MED27: variants seen among roughly 807,000 people sequenced by gnomAD.
MED27 encodes the protein mediator complex subunit 27, also known as mediator of RNA polymerase II transcription subunit 27.
A neutral mutation model predicts 38.2 loss-of-function variants in MED27; 30 were observed. That is an observed-to-expected ratio of 0.79 (90% CI 0.59 to 1.07). The LOEUF (loss-of-function observed/expected upper bound fraction) is 1.07. Among genes scored for constraint, MED27 ranks in the 50% least tolerant of loss-of-function variants. The pLI is 0.00. For synonymous variants in MED27, 122 were observed against 153.5 expected, an observed-to-expected ratio of 0.79 and a Z score of 1.52; for missense variants, 289 against 397.5, an observed-to-expected ratio of 0.73 and a Z score of 2.32.
intron 3 of MED27, among the ~76,000 whole-genome samples, chr9:132,011,087 G>T (rs1832476840): frequency 6.6e-6 from 1 of 152,172 alleles, no homozygotes; most frequent in African/African-American, 2.4e-5. Flanking sequence ...GATGGATATT[G>T]ATATGCAAAT....
chr9:132,024,516 C>T (rs1397557322), intron 2 of MED27, among the ~76,000 whole-genome samples: 1 of 152,154 alleles, frequency 6.6e-6, no homozygotes, highest in Non-Finnish European at 1.5e-5. Context: ...AGAATGATCA[C>T]CTTTTAAATC....
At position 132,046,135 on chromosome 9, in the gene MED27, A is replaced by G. The variant is rs79092530; in HGVS notation, c.348+31307T>C. Among the ~76,000 whole-genome samples the G allele has an allele frequency of 5.6e-4, 86 of 152,358 alleles. 1 individual carries two copies. The East Asian group carries it at 7.3e-3, about 13-fold the overall frequency. On this transcript the variant is annotated intron_variant, in intron 2 of 7. Coordinates refer to ENST00000292035, the MANE Select transcript of MED27 (RefSeq NM_004269.4). The stretch of plus-strand genomic sequence containing the variant: ...ACTAAATTTAGCAAGTAGGCAATGG[A>G]TCAGAACTGACGAATCGAGAGAAGA...
At position 132,017,207 on chromosome 9, in the gene MED27, A is replaced by C. The variant is rs564535392; in HGVS notation, c.349-2740T>G. Among the ~76,000 whole-genome samples the C allele has an allele frequency of 2.6e-5, 4 of 152,348 alleles. No homozygotes were observed. In the East Asian group the frequency reaches 7.7e-4, roughly 29 times the overall value. On this transcript the variant is annotated intron_variant, in intron 2 of 7. Coordinates refer to ENST00000292035, the MANE Select transcript of MED27 (RefSeq NM_004269.4). ...CAGCTCCTGTCCAACTGGATTATAC[A>C]TTATTTAAGCACCAAAACTCCATTC...
chr9:132,010,956 C>A (rs1016283115), intron 3 of MED27, among the ~76,000 whole-genome samples: 1 of 152,100 alleles, frequency 6.6e-6, no homozygotes, highest in African/African-American at 2.4e-5. Flanking sequence ...GGGTGCAGCA[C>A]ACCAACATGG....
intron 2 of MED27, among the ~76,000 whole-genome samples, chr9:132,045,611 C>T (rs138589065): frequency 3.3e-4 from 51 of 152,286 alleles, no homozygotes; most frequent in African/African-American, 1.2e-3. Context: ...TGTTTGTTTG[C>T]TTGTTTTACA....
chr9:131,897,881 C>T (rs558061014), intron 4 of MED27, among the ~76,000 whole-genome samples: 3 of 152,334 alleles, frequency 2.0e-5, no homozygotes, highest in African/African-American at 7.2e-5. Flanking sequence ...ATGGTCCACA[C>T]AATGTGACTG....
intron 3 of MED27, among the ~76,000 whole-genome samples, chr9:131,954,332 C>A (rs183933059): frequency 1.3e-5 from 2 of 152,184 alleles, no homozygotes; most frequent in Admixed American, 1.3e-4. Flanking sequence ...TTTCCCACAG[C>A]CAGCAGCATG....
chr9:131,871,332 A>C (rs1036697182), intron 6 of MED27, among the ~76,000 whole-genome samples: 1 of 152,240 alleles, frequency 6.6e-6, no homozygotes, highest in African/African-American at 2.4e-5. Context: ...TATGTTGACC[A>C]GATAGAGGTT....
chr9:132,027,837 G>C (rs1832857549), intron 2 of MED27, among the ~76,000 whole-genome samples: 2 of 152,178 alleles, frequency 1.3e-5, no homozygotes, highest in African/African-American at 4.8e-5. Context: ...ATAAAATGTT[G>C]TAAAATCCAA....
At chr9:131,910,930 G>C (rs865997881) in intron 4 of MED27, among the ~76,000 whole-genome samples, 1 of 151,750 alleles carries the variant, frequency 6.6e-6, no homozygotes, top group African/African-American at 2.4e-5. Flanking sequence ...ACAACCACCA[G>C]TTACCTCATC....
rs565905576 is a variant in MED27 at position 132,059,948 on chromosome 9, C to T, written c.348+17494G>A. ...GGTTAGCTCACTGAGTCTTCACAGA[C>T]ATCCTAGAAGGTAGGAACCATGATT... On this transcript the variant is annotated intron_variant, in intron 2 of 7. Transcript: ENST00000292035. Among the ~76,000 whole-genome samples the T allele has an allele frequency of 3.9e-5, 6 of 152,206 alleles. No homozygotes were observed. In the South Asian group the frequency reaches 1.2e-3, roughly 32 times the overall value.
At chr9:131,946,410 T>C (rs1177113165) in intron 3 of MED27, among the ~76,000 whole-genome samples, 3 of 152,162 alleles carry the variant, frequency 2.0e-5, no homozygotes, top group Admixed American at 6.5e-5. Context: ...TGCCAACACG[T>C]ATCTTTTGTG....
chr9:132,021,972 T>C (rs1832725868), intron 2 of MED27, among the ~76,000 whole-genome samples: 1 of 152,174 alleles, frequency 6.6e-6, no homozygotes, highest in Non-Finnish European at 1.5e-5. Context: ...AAATAAATGT[T>C]TGTTGTTTAC....
chr9:131,983,223 G>T (rs1479218280), intron 3 of MED27, among the ~76,000 whole-genome samples: 1 of 152,206 alleles, frequency 6.6e-6, no homozygotes, highest in East Asian at 1.9e-4. Flanking sequence ...ACCTGGGCCA[G>T]ATCTTTTCAT....
At chr9:132,031,169 A>G (rs1832951440) in intron 2 of MED27, among the ~76,000 whole-genome samples, 1 of 152,238 alleles carries the variant, frequency 6.6e-6, no homozygotes, top group African/African-American at 2.4e-5. Flanking sequence ...ATCAGAAGCC[A>G]GGTGGTGTCC....
At chr9:131,944,620 T>C (rs1830848908) in intron 3 of MED27, among the ~76,000 whole-genome samples, 1 of 151,150 alleles carries the variant, frequency 6.6e-6, no homozygotes. Context: ...CTCCACCTCA[T>C]GGATTCAAGC....
chr9:132,008,261 G>C (rs1832403368), intron 3 of MED27, among the ~76,000 whole-genome samples: 1 of 152,152 alleles, frequency 6.6e-6, no homozygotes, highest in Non-Finnish European at 1.5e-5. Context: ...TAAATACATA[G>C]ATATCTCAAT....
At position 131,861,070 on chromosome 9, in the gene MED27, T is replaced by C. The variant is rs901498815; in HGVS notation, c.802-398A>G. Among the ~76,000 whole-genome samples, 3 of 152,094 alleles carry C rather than the reference T, an allele frequency of 2.0e-5. No individual in the cohort carries two copies. The highest frequency in any genetic ancestry group is 7.2e-5 in the African/African-American group (3 of 41,406). ...CACTACTAAGAGGTGGCTGTGCATGTGTGCTGAGGAAGCCTTGGAACCGAG... is the reference window on the plus strand; with the variant it reads ...CACTACTAAGAGGTGGCTGTGCATGCGTGCTGAGGAAGCCTTGGAACCGAG... On this transcript the variant is annotated intron_variant, in intron 7 of 7. Transcript: ENST00000292035. This position sits in a 1 kb window ranked among gnomAD's most constrained non-coding sequence, Gnocchi z 4.4.
At chr9:131,894,646 G>A (rs1829796217) in intron 4 of MED27, among the ~76,000 whole-genome samples, 1 of 151,916 alleles carries the variant, frequency 6.6e-6, no homozygotes, top group African/African-American at 2.4e-5. Context: ...TAAAAAAAGT[G>A]CAGTTTCATG....
Sources: gnomAD v4.1 joint callset for allele counts (sites outside exome capture counted in the v4.1 genomes callset) on GRCh38, gnomAD v4.1.1 for gene constraint, Gnocchi (gnomAD v3.1) non-coding constraint, MANE v1.5 for transcripts, NCBI Gene and HGNC (gene_info 2026-07-23, HGNC 2026-07-21) for gene names.